DLG2: variants seen among roughly 807,000 people sequenced by gnomAD.
DLG2 encodes discs large MAGUK scaffold protein 2, also known as disks large homolog 2.
Under a neutral mutation model 132.5 loss-of-function variants are expected in DLG2, and 45 were observed. The observed-to-expected ratio is 0.34, with a 90% CI of 0.27 to 0.44. DLG2 has a LOEUF of 0.44. Ranked by LOEUF, DLG2 falls within the 20% of genes least tolerant of loss-of-function variation. The pLI, the probability that DLG2 is intolerant of heterozygous loss-of-function variation, is 1.00. For missense variants in DLG2, 1,045 were observed against 1,196.9 expected (o/e 0.87, Z 1.87); for synonymous variants, 424 against 419.6 (o/e 1.01, Z -0.13).
chr11:84,584,244 G>C (rs1487820446), intron 6 of DLG2, among the ~76,000 whole-genome samples: 1 of 151,916 alleles, frequency 6.6e-6, no homozygotes, highest in East Asian at 1.9e-4. Flanking sequence ...GCTTAATTTG[G>C]ATTCCTTTCT....
At chr11:85,387,195 T>A (rs1596763829) in intron 3 of DLG2, among the ~76,000 whole-genome samples, 2 of 152,180 alleles carry the variant, frequency 1.3e-5, no homozygotes, top group South Asian at 2.1e-4. Flanking sequence ...CCTTTCTTAA[T>A]GAAATATATT....
chr11:83,716,877 C>T (rs2086824973), intron 18 of DLG2, among the ~76,000 whole-genome samples: 1 of 151,992 alleles, frequency 6.6e-6, no homozygotes, highest in Non-Finnish European at 1.5e-5. Context: ...CTGTTTTTAG[C>T]TTAGGACCTG....
intron 16 of DLG2, among the ~76,000 whole-genome samples, chr11:83,859,679 C>G (rs775856230): frequency 3.3e-5 from 5 of 152,124 alleles, no homozygotes; most frequent in African/African-American, 1.2e-4. Context: ...GAAATTTAAG[C>G]CAGCTGCAGA....
intron 16 of DLG2, among the ~76,000 whole-genome samples, chr11:83,837,738 A>AG (rs1407194814): frequency 6.7e-6 from 1 of 150,286 alleles, no homozygotes; most frequent in Admixed American, 6.6e-5. Flanking sequence ...AAAAAAAAAA[A>AG]AAAAAAAAAG....
At chr11:84,179,101 A>T (rs917619332) in intron 8 of DLG2, among the ~76,000 whole-genome samples, 3 of 152,132 alleles carry the variant, frequency 2.0e-5, no homozygotes, top group African/African-American at 7.2e-5. Flanking sequence ...AGAGCCATTT[A>T]AAAAAATTAA....
chr11:83,572,798 T>A (rs1156846694), intron 19 of DLG2, among the ~76,000 whole-genome samples: 6 of 152,090 alleles, frequency 3.9e-5, no homozygotes, highest in Non-Finnish European at 8.8e-5. Context: ...TATACAAGAG[T>A]CCTTTCTTAC....
intron 3 of DLG2, among the ~76,000 whole-genome samples, chr11:85,472,754 C>A (rs2093025805): frequency 6.6e-6 from 1 of 152,224 alleles, no homozygotes; most frequent in South Asian, 2.1e-4. Flanking sequence ...GTGTACTCCA[C>A]CAGCACCAGA....
At chr11:85,416,291 A>G (rs1439168923) in intron 3 of DLG2, among the ~76,000 whole-genome samples, 5 of 152,014 alleles carry the variant, frequency 3.3e-5, no homozygotes, top group Admixed American at 2.6e-4. Flanking sequence ...GTTCTGTTCC[A>G]TTAGTCTATA....
rs191231641 is a variant in DLG2, at chr11:84,625,700, G to A, written c.358-90969C>T. Among the ~76,000 whole-genome samples, 177 of 152,242 alleles carry A rather than the reference G, an allele frequency of 1.2e-3. 1 individual carries two copies. The highest frequency in any genetic ancestry group is 3.8e-3 in the African/African-American group (156 of 41,536). On this transcript the variant is annotated intron_variant, in intron 6 of 27. Coordinates refer to ENST00000376104, the MANE Select transcript of DLG2 (RefSeq NM_001142699.3). Reference sequence around the variant, plus strand: ...GACAGACACTTCCCTAAAAATATCGGTATGATGAAAATTTGAAGTCTGAGG... The same window carrying A: ...GACAGACACTTCCCTAAAAATATCGATATGATGAAAATTTGAAGTCTGAGG...
chr11:84,038,956 T>C (rs1258824726), intron 11 of DLG2, among the ~76,000 whole-genome samples: 5 of 152,186 alleles, frequency 3.3e-5, no homozygotes, highest in Middle Eastern at 3.4e-3. Flanking sequence ...ACTTCCCTCA[T>C]GATTCAATTA....
intron 6 of DLG2, among the ~76,000 whole-genome samples, chr11:84,572,645 T>C (rs2099488216): frequency 6.6e-6 from 1 of 152,144 alleles, no homozygotes; most frequent in Non-Finnish European, 1.5e-5. Context: ...CTGCATGTTC[T>C]TCTGGAATAT....
rs186532706 is a variant in DLG2 at position 84,372,000 on chromosome 11, A to C, written c.520-120709T>G. 2.2e-3 allele frequency among the ~76,000 whole-genome samples: 333 copies of C among 152,316 alleles called. 3 individuals are homozygous for C. The highest frequency in any genetic ancestry group is 7.1e-3 in the African/African-American group (294 of 41,582). ...AATTGCATGTTCAGATCTTCTTGTT[A>C]GGTGTCAGACCTTTGGCATTTACTT... On this transcript the variant is annotated intron_variant, in intron 7 of 27. Transcript: ENST00000376104.
intron 3 of DLG2, among the ~76,000 whole-genome samples, chr11:85,517,970 C>T (rs940385408): frequency 1.3e-5 from 2 of 152,140 alleles, no homozygotes; most frequent in Admixed American, 6.5e-5. Context: ...TCACCATTCA[C>T]GTAAGATGTG....
chr11:83,676,078 T>C (rs2077635132), intron 18 of DLG2, among the ~76,000 whole-genome samples: 1 of 152,214 alleles, frequency 6.6e-6, no homozygotes. Context: ...GGACTCATAA[T>C]GTCCTGGGGA....
intron 10 of DLG2, among the ~76,000 whole-genome samples, chr11:84,065,869 T>C (rs549636599): frequency 2.6e-4 from 40 of 152,282 alleles, no homozygotes; most frequent in African/African-American, 5.1e-4. Flanking sequence ...ATATATACAA[T>C]GGAATACTAT....
At chr11:85,446,771 C>T (rs1307340552) in intron 3 of DLG2, among the ~76,000 whole-genome samples, 1 of 151,182 alleles carries the variant, frequency 6.6e-6, no homozygotes, top group Non-Finnish European at 1.5e-5. Context: ...AGTGACAACT[C>T]CAGTTTGAAG....
chr11:84,452,640 CT>C (rs2099054800), intron 7 of DLG2, among the ~76,000 whole-genome samples: 2 of 151,678 alleles, frequency 1.3e-5, no homozygotes, highest in East Asian at 1.9e-4. Flanking sequence ...TGAATGTAGC[CT>C]GTGAGAAAAA....
chr11:85,109,200 A>G (rs1261507497), intron 6 of DLG2, among the ~76,000 whole-genome samples: 2 of 152,144 alleles, frequency 1.3e-5, no homozygotes, highest in Non-Finnish European at 2.9e-5. Flanking sequence ...CTGCAGAGAA[A>G]GCAGATCGGT....
In DLG2 at chr11:84,548,251, T is replaced by G. The variant is rs192401442; in HGVS notation, c.358-13520A>C. ...CAGCTACGGAAGCATAACACACAAA[T>G]GAGACAACGCTAAGTATTCTTTTTT... On this transcript the variant is annotated intron_variant, in intron 6 of 27. Coordinates refer to ENST00000376104, the MANE Select transcript of DLG2 (RefSeq NM_001142699.3). Among the ~76,000 whole-genome samples, 545 of 152,238 alleles carry G rather than the reference T, an allele frequency of 3.6e-3. 1 individual carries two copies. The highest frequency in any genetic ancestry group is 6.8e-3 in the Middle Eastern group (2 of 294).
Sources: gnomAD v4.1 joint callset for allele counts (sites outside exome capture counted in the v4.1 genomes callset) on GRCh38, gnomAD v4.1.1 for gene constraint, MANE v1.5 for transcripts, NCBI Gene and HGNC (gene_info 2026-07-23, HGNC 2026-07-21) for gene names.